Variants in RNF130 observed in about 807,000 individuals in gnomAD.
RNF130 encodes the protein ring finger protein 130.
Under a neutral mutation model 44.6 loss-of-function variants are expected in RNF130, and 21 were observed. That is an observed-to-expected ratio of 0.47 (90% CI 0.33 to 0.68). The LOEUF (loss-of-function observed/expected upper bound fraction) is 0.68, where lower values mean the gene tolerates loss of function less well. RNF130 is among the 30% of genes least tolerant of loss of function. RNF130 has a pLI of 0.02. For synonymous variants in RNF130, 214 were observed against 210.4 expected (o/e 1.02, Z -0.15); for missense variants, 479 against 560.6 (o/e 0.85, Z 1.47).
intron 8 of RNF130, among the ~76,000 whole-genome samples, 179 bp from the exon 9 acceptor site, chr5:179,955,848 T>C (rs1762200518): frequency 6.6e-6 from 1 of 152,372 alleles, no homozygotes; most frequent in South Asian, 2.1e-4. Context: ...AGATCTGCAG[T>C]TGACTGACTC....
intron 4 of RNF130, among the ~76,000 whole-genome samples, chr5:179,978,538 C>A (rs117688939): frequency 6.6e-6 from 1 of 152,058 alleles, no homozygotes; most frequent in Non-Finnish European, 1.5e-5. Flanking sequence ...AAAATTAAGT[C>A]GGAATTCTAA....
intron 2 of RNF130, among the ~76,000 whole-genome samples, chr5:180,034,638 TAGC>T (rs1321030623): frequency 6.6e-6 from 1 of 152,160 alleles, no homozygotes; most frequent in Non-Finnish European, 1.5e-5. Flanking sequence ...AAAGTAAACA[TAGC>T]AGGTTTGAAC....
At chr5:180,002,619 G>T (rs1327909494) in intron 3 of RNF130, among the ~76,000 whole-genome samples, 1 of 152,152 alleles carries the variant, frequency 6.6e-6, no homozygotes, top group African/African-American at 2.4e-5. Context: ...TATCCACAGT[G>T]TTGAAGGGGC....
intron 7 of RNF130, among the ~76,000 whole-genome samples, chr5:179,947,747 CA>C (rs1762065710): frequency 6.6e-6 from 1 of 152,042 alleles, no homozygotes; most frequent in African/African-American, 2.4e-5. Flanking sequence ...TATTATCAAA[CA>C]AAAGTATATG....
chr5:179,994,361 ATTTG>A (rs1180645364), intron 3 of RNF130, among the ~76,000 whole-genome samples: 1 of 152,132 alleles, frequency 6.6e-6, no homozygotes, highest in African/African-American at 2.4e-5. Context: ...ATGTTCTTCC[ATTTG>A]TTTGTGTCCT....
intron 2 of RNF130, among the ~76,000 whole-genome samples, chr5:180,033,544 T>G (rs1582206249): frequency 6.6e-6 from 1 of 151,964 alleles, no homozygotes; most frequent in Non-Finnish European, 1.5e-5. Flanking sequence ...GCCAACATGG[T>G]GAAACCATGG....
chr5:179,975,588 G>T (rs768143661), intron 5 of RNF130, among the ~76,000 whole-genome samples: 1 of 152,208 alleles, frequency 6.6e-6, no homozygotes, highest in African/African-American at 2.4e-5. Flanking sequence ...AGCAGGCTGT[G>T]TGGTGCAGTC....
At chr5:179,965,595 G>C (rs1695341861) in intron 7 of RNF130, among the ~76,000 whole-genome samples, 1 of 152,176 alleles carries the variant, frequency 6.6e-6, no homozygotes, top group South Asian at 2.1e-4. Flanking sequence ...AACAACCTTT[G>C]TGTCCTTTAT....
chr5:179,967,066 G>C (rs375434460), intron 6 of RNF130, 56 bp from the exon 7 acceptor site: 15 of 1,491,354 alleles, frequency 1.0e-5, no homozygotes, highest in Non-Finnish European at 1.4e-5. Flanking sequence ...CCTTTCATAA[G>C]ATTCTAAAAA....
chr5:180,013,316 A>T lies in RNF130; in HGVS notation c.443-5T>A, dbSNP rs749665790. 1 of 1,594,424 alleles carries T rather than the reference A, an allele frequency of 6.3e-7. No individual in the cohort carries two copies. Among genetic ancestry groups the T allele is most frequent in the South Asian group, 1.1e-5 (1 of 88,084 alleles). ...CAGCAATAATATCTCCAGTGCCTGC[A>T]ATATAAAATAAATATATAACTCAAG... On this transcript the variant is annotated splice_polypyrimidine_tract_variant and splice_region_variant and intron_variant, in intron 2 of 8. Coordinates refer to ENST00000521389, the MANE Select transcript of RNF130 (RefSeq NM_018434.6).
chr5:179,975,365 G>A (rs889142219), intron 5 of RNF130, among the ~76,000 whole-genome samples: 2 of 152,200 alleles, frequency 1.3e-5, no homozygotes, highest in African/African-American at 2.4e-5. Flanking sequence ...GTGGGTGGGC[G>A]CTACTGACAC....
intron 2 of RNF130, among the ~76,000 whole-genome samples, chr5:180,021,373 T>C (rs1401798281): frequency 2.0e-5 from 3 of 152,172 alleles, no homozygotes; most frequent in Admixed American, 1.3e-4. Context: ...TTTTCATTTA[T>C]TGATGTATAA....
intron 2 of RNF130, among the ~76,000 whole-genome samples, chr5:180,027,174 A>T (rs1764010400): frequency 6.6e-6 from 1 of 152,008 alleles, no homozygotes; most frequent in African/African-American, 2.4e-5. Flanking sequence ...CTCTGGGTCC[A>T]TCCCTTGAGA....
chr5:179,955,599 A>G lies in RNF130; in HGVS notation c.*55T>C. 1 of 1,498,850 alleles carries G rather than the reference A, an allele frequency of 6.7e-7. No individual in the cohort carries two copies. Among genetic ancestry groups the G allele is most frequent in the Middle Eastern group, 1.8e-4 (1 of 5,674 alleles). 92.8% of individuals were successfully genotyped at this position (1,498,850 alleles called of 1,614,324 possible). On this transcript the variant is annotated 3_prime_UTR_variant, in exon 9 of 9. Transcript: ENST00000521389. ...CATGATTGGTAAATGATGCACAAAA[A>G]TAGGTTCTTTTTTCCTTCAAGGCAA... is the stretch of plus-strand genomic sequence containing the variant.
downstream of RNF130, among the ~76,000 whole-genome samples, chr5:179,954,798 C>T (rs1455457118): frequency 6.6e-6 from 1 of 152,222 alleles, no homozygotes; most frequent in African/African-American, 2.4e-5. Flanking sequence ...AATAGGAATA[C>T]GTTCTCACTC....
chr5:179,925,015 G>A (rs1212672589), intron 7 of RNF130, among the ~76,000 whole-genome samples: 1 of 152,186 alleles, frequency 6.6e-6, no homozygotes, highest in Non-Finnish European at 1.5e-5. Flanking sequence ...TCTTCAGGAT[G>A]AATTAAAGCT....
At chr5:179,974,687 T>C (rs1372476344) in intron 5 of RNF130, among the ~76,000 whole-genome samples, 1 of 152,128 alleles carries the variant, frequency 6.6e-6, no homozygotes, top group African/African-American at 2.4e-5. Flanking sequence ...TGTGGGGCAG[T>C]ACTTGGAGGG....
rs551769942 is a variant in RNF130, at chr5:180,007,077, A to G, written c.693+5984T>C. 4.6e-5 allele frequency among the ~76,000 whole-genome samples: 7 copies of G among 152,318 alleles called. No individual in the cohort carries two copies. In the South Asian group the frequency reaches 1.5e-3, roughly 32 times the overall value. On this transcript the variant is annotated intron_variant, in intron 3 of 8. Coordinates refer to ENST00000521389, the MANE Select transcript of RNF130 (RefSeq NM_018434.6). The stretch of plus-strand genomic sequence containing the variant: ...ACAATATATGGATCTCTTTGGTAGC[A>G]TGTTCTACAGGAAGAACTGCTTCAT...
rs776040480 is a variant in RNF130, at chr5:179,966,869, A to G, written c.1087T>C (p.Ser363Pro). 3 of 1,614,210 alleles carry G rather than the reference A, an allele frequency of 1.9e-6. No homozygotes were observed. The highest frequency in any genetic ancestry group is 2.5e-6 in the Non-Finnish European group (3 of 1,180,024). Reference sequence around the variant, plus strand: ...AGCTCCCCATCCTGAGGAAGAGGTGAGATCCCCGAAGTTCGAAGTGGCTCA... The same window carrying G: ...AGCTCCCCATCCTGAGGAAGAGGTGGGATCCCCGAAGTTCGAAGTGGCTCA... ...GLEPLRTSGISPLPQDGELTP... is the reference protein window; with the variant it reads ...GLEPLRTSGIPPLPQDGELTP... The change falls in exon 7 of 9, where the codon TCA becomes CCA. Residue 363 changes from serine (S) to proline (P), a missense_variant. Ser to Pro is a moderately conservative substitution (Grantham distance 74). Around this residue, in one of 3 missense-constraint regions of RNF130, gnomAD observed 161 missense variants for 158.6 expected, o/e 1.02. Coordinates refer to ENST00000521389, the MANE Select transcript of RNF130 (RefSeq NM_018434.6).
Sources: allele counts gnomAD v4.1 joint callset (sites outside exome capture counted in the v4.1 genomes callset), GRCh38; gene constraint gnomAD v4.1.1; regional missense constraint gnomAD v4.1.1; transcripts MANE v1.5; gene names NCBI Gene and HGNC (gene_info 2026-07-23, HGNC 2026-07-21).